The following RBFOX1 variants were observed in gnomAD, a reference collection of about 807,000 sequenced individuals.
The protein encoded by RBFOX1 is RNA binding protein fox-1 homolog 1.
Under a neutral mutation model 57.7 loss-of-function variants are expected in RBFOX1, and 8 were observed. The observed-to-expected ratio is 0.14, with a 90% CI of 0.08 to 0.25. The LOEUF is 0.25. RBFOX1 is among the 10% of genes least tolerant of loss of function. The pLI, the probability that RBFOX1 is intolerant of heterozygous loss-of-function variation, is 1.00. For synonymous variants in RBFOX1, 326 were observed against 222.4 expected, an observed-to-expected ratio of 1.47 and a Z score of -4.15; for missense variants, 611 against 548.5, an observed-to-expected ratio of 1.11 and a Z score of -1.14.
chr16:6,976,323 C>G (rs1408161191), intron 3 of RBFOX1, among the ~76,000 whole-genome samples: 1 of 152,124 alleles, frequency 6.6e-6, no homozygotes, highest in Non-Finnish European at 1.5e-5. Context: ...AGGCCACACT[C>G]TAAATTTCTC....
At chr16:6,013,215 G>A (rs1490716669) in intron 4 of RBFOX1, among the ~76,000 whole-genome samples, 1 of 152,140 alleles carries the variant, frequency 6.6e-6, no homozygotes, top group East Asian at 1.9e-4. Flanking sequence ...ATTTCTAAAA[G>A]ATGAATGATA....
chr16:6,621,370 A>G (rs1416972693), intron 2 of RBFOX1, among the ~76,000 whole-genome samples: 1 of 152,190 alleles, frequency 6.6e-6, no homozygotes, highest in Non-Finnish European at 1.5e-5. Flanking sequence ...AGGCTGAGGC[A>G]GGAGAATGGC....
chr16:6,016,084 A>G (rs549356246), upstream of RBFOX1, among the ~76,000 whole-genome samples: 18 of 152,366 alleles, frequency 1.2e-4, no homozygotes, highest in African/African-American at 3.1e-4. Context: ...AGGTTCACCT[A>G]TCATTTATTG....
intron 5 of RBFOX1, among the ~76,000 whole-genome samples, chr16:7,549,654 C>G (rs1461973652): frequency 6.6e-6 from 1 of 152,122 alleles, no homozygotes; most frequent in African/African-American, 2.4e-5. Flanking sequence ...TGTTCAAGGG[C>G]AGGAAGCATG....
chr16:7,344,708 G>A (rs1203372284), intron 4 of RBFOX1, among the ~76,000 whole-genome samples: 1 of 152,044 alleles, frequency 6.6e-6, no homozygotes, highest in Non-Finnish European at 1.5e-5. Flanking sequence ...GGAAACTGAG[G>A]CTCAGCAAAG....
intron 4 of RBFOX1, among the ~76,000 whole-genome samples, chr16:7,352,538 C>A (rs2097147040): frequency 6.6e-6 from 1 of 152,044 alleles, no homozygotes; most frequent in Admixed American, 6.5e-5. Context: ...TTGGTCAGTC[C>A]TTTTGTTCTA....
At chr16:6,195,938 G>T (rs1050214280) in intron 1 of RBFOX1, among the ~76,000 whole-genome samples, 1 of 152,138 alleles carries the variant, frequency 6.6e-6, no homozygotes, top group Non-Finnish European at 1.5e-5. Context: ...GCAGAGCCAT[G>T]CTGGGAAATA....
rs1004836651 is a variant in RBFOX1, at chr16:6,483,321, G to C, written c.-64+166264G>C. 3.4e-6 allele frequency: 5 copies of C among 1,460,754 alleles called. No individual in the cohort carries two copies. In the African/African-American group the frequency reaches 7.1e-5, roughly 21 times the overall value. 90.5% of individuals were successfully genotyped at this position (1,460,754 alleles called of 1,614,324 possible). Reference sequence around the variant, plus strand: ...GCTCTCGCGCCCGCGCGCTCGGGGCGTTCTGCACCTGCTGGCGGTCGTGCC... The same window carrying C: ...GCTCTCGCGCCCGCGCGCTCGGGGCCTTCTGCACCTGCTGGCGGTCGTGCC... On this transcript the variant is annotated intron_variant, in intron 2 of 15. Transcript: ENST00000550418.
In RBFOX1 at chr16:5,828,699, A is replaced by AT. The variant is rs561388388; in HGVS notation, c.319-38604_319-38603insT. ...GGTGAGCGAGACTCCAAAAAAGAAA[A>AT]GAAAAGAAAAGAAAAAAATGGAACC... On this transcript the variant is annotated intron_variant, in intron 3 of 19. Coordinates refer to the RBFOX1 transcript ENST00000641259. Among the ~76,000 whole-genome samples the AT allele has an allele frequency of 2.5e-3, 378 of 152,220 alleles. 2 individuals carry two copies. Among genetic ancestry groups the AT allele is most frequent in the African/African-American group, 8.7e-3 (363 of 41,530 alleles).
intron 1 of RBFOX1, among the ~76,000 whole-genome samples, chr16:5,339,092 G>A (rs4605163): frequency 1 from 152,126 of 152,198 alleles, 76,027 homozygotes; most frequent in Non-Finnish European, 1. Context: ...ACGATGTACA[G>A]TAGATCTCTT....
chr16:6,710,000 A>C (rs2063445713), intron 3 of RBFOX1, among the ~76,000 whole-genome samples: 1 of 152,126 alleles, frequency 6.6e-6, no homozygotes, highest in African/African-American at 2.4e-5. Flanking sequence ...GAAATGAGAT[A>C]CAGGTAACCT....
At chr16:5,255,122 T>C (rs573619300) in intron 1 of RBFOX1, among the ~76,000 whole-genome samples, 2 of 152,318 alleles carry the variant, frequency 1.3e-5, no homozygotes, top group East Asian at 3.9e-4. Context: ...GTTTTGACTT[T>C]CCTAGTCAAT....
intron 3 of RBFOX1, among the ~76,000 whole-genome samples, chr16:6,829,917 ATTTT>A (rs953193342): frequency 6.6e-6 from 1 of 150,464 alleles, no homozygotes; most frequent in Non-Finnish European, 1.5e-5. Context: ...TTTTTATTTT[ATTTT>A]TTTTATTTTT....
chr16:6,962,992 C>G (rs1419204646), intron 3 of RBFOX1, among the ~76,000 whole-genome samples: 1 of 152,152 alleles, frequency 6.6e-6, no homozygotes, highest in African/African-American at 2.4e-5. Context: ...AAAAAGAATG[C>G]TGACTCCCAG....
intron 2 of RBFOX1, among the ~76,000 whole-genome samples, chr16:5,598,666 C>T (rs565988628): frequency 1.3e-5 from 2 of 152,112 alleles, no homozygotes; most frequent in Non-Finnish European, 2.9e-5. Flanking sequence ...TTTATGTATA[C>T]AGCCCATTTC....
At chr16:6,877,253 A>G (rs929401001) in intron 3 of RBFOX1, among the ~76,000 whole-genome samples, 4 of 152,212 alleles carry the variant, frequency 2.6e-5, no homozygotes, top group South Asian at 2.1e-4. Flanking sequence ...ACATGTTGAC[A>G]TGTCCTAGAG....
chr16:5,822,101 G>C (rs1597383524), intron 3 of RBFOX1, among the ~76,000 whole-genome samples: 1 of 152,308 alleles, frequency 6.6e-6, no homozygotes, highest in African/African-American at 2.4e-5. Context: ...TGTGAATTGT[G>C]CTGCCACAAA....
chr16:6,122,375 CA>C (rs2096557224), intron 1 of RBFOX1, among the ~76,000 whole-genome samples: 2 of 141,052 alleles, frequency 1.4e-5, no homozygotes, highest in African/African-American at 2.5e-5. Flanking sequence ...CACACACACA[CA>C]CACACACACA....
chr16:5,503,267 C>T (rs1214544715), intron 2 of RBFOX1, among the ~76,000 whole-genome samples: 3 of 152,196 alleles, frequency 2.0e-5, no homozygotes, highest in Admixed American at 6.5e-5. Flanking sequence ...CCAAGAGGAC[C>T]TCTGGTATTA....
Sources: allele counts gnomAD v4.1 joint callset (sites outside exome capture counted in the v4.1 genomes callset), GRCh38; gene constraint gnomAD v4.1.1; transcripts MANE v1.5; gene names NCBI Gene and HGNC (gene_info 2026-07-23, HGNC 2026-07-21).